ITGA6: variants seen among roughly 807,000 people sequenced by gnomAD.
The protein encoded by ITGA6 is integrin subunit alpha 6, also known as integrin alpha-6.
Under a neutral mutation model 133.6 loss-of-function variants are expected in ITGA6, and 63 were observed. The observed-to-expected ratio is 0.47, with a 90% CI of 0.38 to 0.58. The LOEUF (loss-of-function observed/expected upper bound fraction) is 0.58, where lower values mean the gene tolerates loss of function less well. Among genes scored for constraint, ITGA6 ranks in the 20% least tolerant of loss-of-function variants. The pLI, the probability that ITGA6 is intolerant of heterozygous loss-of-function variation, is 0.00. For missense variants in ITGA6, 1,068 were observed against 1,309.4 expected (o/e 0.82, Z 2.85); for synonymous variants, 434 against 482.0 (o/e 0.90, Z 1.30).
At chr2:172,495,766 C>T (rs565618818) in intron 23 of ITGA6, among the ~76,000 whole-genome samples, 1 of 152,288 alleles carries the variant, frequency 6.6e-6, no homozygotes, top group African/African-American at 2.4e-5. Flanking sequence ...CAGCTGGATT[C>T]CCATCCACCC....
In ITGA6 at chr2:172,506,174, A is replaced by G. The variant is rs1433781336; in HGVS notation, c.*2106A>G. ...GTGGATATTTGTATAAAAGTGTGAA[A>G]TAAATTTTTTATAAAAGTGTTCATT... On this transcript the variant is annotated 3_prime_UTR_variant, in exon 26 of 26. Transcript: ENST00000684293. The G allele has an allele frequency of 6.6e-6, 1 of 152,614 alleles. No individual in the cohort carries two copies. Among genetic ancestry groups the G allele is most frequent in the African/African-American group, 2.4e-5 (1 of 41,438 alleles). 9.5% of individuals were successfully genotyped at this position (152,614 alleles called of 1,614,324 possible).
Position 172,504,474 on chromosome 2 carries a change from G to T in ITGA6, c.*406G>T. ...TGTTGGAATGGATTTTTCTTTAACT[G>T]CCGTAATTTAACTTTCTGGGTTGCC... On this transcript the variant is annotated 3_prime_UTR_variant, in exon 26 of 26. Coordinates refer to ENST00000684293, the MANE Select transcript of ITGA6 (RefSeq NM_000210.4). 5.0e-6 allele frequency: 2 copies of T among 398,282 alleles called. No homozygotes were observed. The highest frequency in any genetic ancestry group is 4.4e-5 in the East Asian group (1 of 22,802). 24.7% of individuals were successfully genotyped at this position (398,282 alleles called of 1,614,324 possible).
At chr2:172,433,233 C>T (rs942502029) in intron 1 of ITGA6, among the ~76,000 whole-genome samples, 2 of 152,200 alleles carry the variant, frequency 1.3e-5, no homozygotes, top group Non-Finnish European at 2.9e-5. Flanking sequence ...TGAAACCTGG[C>T]TGGTCTTCAG....
At chr2:172,471,506 CTGCA>C (rs1685935149) in intron 5 of ITGA6, among the ~76,000 whole-genome samples, 1 of 152,172 alleles carries the variant, frequency 6.6e-6, no homozygotes, top group Non-Finnish European at 1.5e-5. Context: ...CTCTTAAGAA[CTGCA>C]TTTAATAAAG....
At chr2:172,502,268 A>G (rs1295110524) in intron 25 of ITGA6, among the ~76,000 whole-genome samples, 1 of 152,210 alleles carries the variant, frequency 6.6e-6, no homozygotes, top group Non-Finnish European at 1.5e-5. Flanking sequence ...TCAAAGATGC[A>G]TAAGAAATCA....
chr2:172,500,857 T>C (rs1308174572), intron 24 of ITGA6, among the ~76,000 whole-genome samples: 1 of 152,194 alleles, frequency 6.6e-6, no homozygotes, highest in East Asian at 1.9e-4. Flanking sequence ...CACAGAGTTT[T>C]AAATGTAATT....
chr2:172,427,454 G>A, upstream of ITGA6: 4 of 1,050,426 alleles, frequency 3.8e-6, no homozygotes, highest in Non-Finnish European at 4.6e-6. Flanking sequence ...GGCAGCTGGA[G>A]ACGCCAGAGC....
chr2:172,433,055 G>A (rs75166599), intron 1 of ITGA6, among the ~76,000 whole-genome samples: 7,338 of 152,204 alleles, frequency 0.048, 293 homozygotes, highest in East Asian at 0.23. Context: ...TGGGATCTGG[G>A]GATCTGTGTA....
At chr2:172,478,037 A>G (rs1686253660) in intron 9 of ITGA6, among the ~76,000 whole-genome samples, 1 of 148,964 alleles carries the variant, frequency 6.7e-6, no homozygotes, top group Non-Finnish European at 1.5e-5. Context: ...TTAAAAAACA[A>G]AATATGTTCT....
At chr2:172,480,362 T>C (rs1193504468) in intron 11 of ITGA6, among the ~76,000 whole-genome samples, 1 of 151,588 alleles carries the variant, frequency 6.6e-6, no homozygotes, top group Non-Finnish European at 1.5e-5. Context: ...GTGTGGAAAA[T>C]TGATTTTGTG....
chr2:172,452,011 C>CTTTTTTTTTTTTTTTTTTTT (rs1574338994), intron 1 of ITGA6, among the ~76,000 whole-genome samples: 71 of 122,858 alleles, frequency 5.8e-4, no homozygotes, highest in African/African-American at 1.1e-3. Context: ...TTCATTTTTA[C>CTTTTTTTTTTTTTTTTTTTT]TTTGGTAATT....
At chr2:172,466,995 T>C (rs954775202) in intron 2 of ITGA6, among the ~76,000 whole-genome samples, 3 of 152,216 alleles carry the variant, frequency 2.0e-5, no homozygotes, top group Admixed American at 2.0e-4. Context: ...AAAGTAAATC[T>C]GAGTCTTTTT....
At chr2:172,475,497 A>G in intron 7 of ITGA6, 100 bp from the exon 8 acceptor site, 1 of 808,982 alleles carries the variant, frequency 1.2e-6, no homozygotes, top group East Asian at 2.4e-5. Context: ...AAAAAGCCAA[A>G]CAAATAAATA....
At chr2:172,475,709 A>G in intron 8 of ITGA6, 24 bp downstream of exon 8, 1 of 1,271,456 alleles carries the variant, frequency 7.9e-7, no homozygotes. Flanking sequence ...CGGGATTTCT[A>G]CAGCTAGAGT....
At chr2:172,464,503 GGT>G (rs1367297783) in intron 1 of ITGA6, 8 of 152,322 alleles carry the variant, frequency 5.3e-5, no homozygotes, top group African/African-American at 1.7e-4. Context: ...TGTCCAGTCA[GGT>G]GTGTGTTCTT....
intron 11 of ITGA6, among the ~76,000 whole-genome samples, chr2:172,481,775 C>T (rs80030958): frequency 1.3e-5 from 2 of 152,180 alleles, no homozygotes; most frequent in Non-Finnish European, 2.9e-5. Context: ...TTGATGCAGC[C>T]GGCATTTTGT....
intron 1 of ITGA6, among the ~76,000 whole-genome samples, chr2:172,458,980 C>T (rs1205782163): frequency 1.3e-5 from 2 of 152,016 alleles, no homozygotes; most frequent in African/African-American, 2.4e-5. Context: ...GTTGAAAAAT[C>T]TCAGAACCAC....
chr2:172,462,833 C>T (rs531974186), intron 1 of ITGA6, among the ~76,000 whole-genome samples: 40 of 152,314 alleles, frequency 2.6e-4, no homozygotes, highest in African/African-American at 8.7e-4. Context: ...TCTGACCCTT[C>T]GTCCTTTAGC....
intron 1 of ITGA6, among the ~76,000 whole-genome samples, chr2:172,457,295 C>CAAAAAAAAAAA (rs71403305): frequency 2.9e-4 from 23 of 79,294 alleles, no homozygotes; most frequent in African/African-American, 1.1e-3. Flanking sequence ...ATTCTGTCTC[C>CAAAAAAAAAAA]AAAAAAAAAA....
Sources: allele counts gnomAD v4.1 joint callset (sites outside exome capture counted in the v4.1 genomes callset), GRCh38; gene constraint gnomAD v4.1.1; transcripts MANE v1.5; gene names NCBI Gene and HGNC (gene_info 2026-07-23, HGNC 2026-07-21).